The following SLC12A7 variants were observed in gnomAD, a reference collection of about 807,000 sequenced individuals.
SLC12A7 encodes K-Cl cotransporter 4.
A neutral mutation model predicts 120.6 loss-of-function variants in SLC12A7; 100 were observed. The observed-to-expected ratio is 0.83, with a 90% CI of 0.71 to 0.98. The LOEUF (loss-of-function observed/expected upper bound fraction) is 0.98, where lower values mean the gene tolerates loss of function less well. Among genes scored for constraint, SLC12A7 ranks in the 50% least tolerant of loss-of-function variants. The pLI is 0.00. For synonymous variants in SLC12A7, 760 were observed against 678.0 expected (o/e 1.12, Z -1.88); for missense variants, 1,373 against 1,548.1 (o/e 0.89, Z 1.90).
chr5:1,059,871 C>T (rs971750823), intron 21 of SLC12A7, among the ~76,000 whole-genome samples: 5 of 150,302 alleles, frequency 3.3e-5, no homozygotes, highest in African/African-American at 1.0e-4. Context: ...GTGCATGCTG[C>T]GGGGAAGGGC....
chr5:1,076,404 TCAGGTTCCAGC>T (rs111668454), intron 13 of SLC12A7, among the ~76,000 whole-genome samples, 168 bp from the exon 14 acceptor site: 22 of 47,068 alleles, frequency 4.7e-4, no homozygotes, highest in East Asian at 2.2e-3. Flanking sequence ...TCAGGCCCCC[TCAGGTTCCAGC>T]CATCCTGTGA....
At chr5:1,087,441 G>A (rs1026885314) in intron 5 of SLC12A7, among the ~76,000 whole-genome samples, 4 of 152,262 alleles carry the variant, frequency 2.6e-5, no homozygotes, top group African/African-American at 4.8e-5. Flanking sequence ...TGTGAACCAC[G>A]CACGCTATCA....
At chr5:1,113,670 G>A (rs1206880283), upstream of SLC12A7, among the ~76,000 whole-genome samples, 6 of 152,126 alleles carry the variant, frequency 3.9e-5, no homozygotes, top group African/African-American at 9.7e-5. Flanking sequence ...TGGGTTGGAA[G>A]GTAGGAAACC....
the SLC12A7 span, among the ~76,000 whole-genome samples, chr5:1,154,733 C>T: frequency 2.6e-5 from 4 of 152,188 alleles, no homozygotes; most frequent in Admixed American, 2.0e-4. Context: ...CCCCCACACA[C>T]GTGAGCTGGG....
chr5:1,074,659 C>A lies in SLC12A7; in HGVS notation c.1980G>T (p.Glu660Asp). The change falls in exon 16 of 24, where the codon GAG (glutamate) becomes GAT (aspartate). Residue 660 changes from glutamate to aspartate, a missense_variant. Coordinates refer to ENST00000264930, the MANE Select transcript of SLC12A7 (RefSeq NM_006598.3). ...ATAGGCCACGGATGCCATCGCCCCA[C>A]TCCTTCTCGGCCCTGTGGGAAAGGA... is the stretch of plus-strand genomic sequence containing the variant. ...KYIEYRGAEK[E>D]WGDGIRGLSL... 6.2e-7 allele frequency: 1 copy of A among 1,612,706 alleles called. No individual in the cohort carries two copies. The highest frequency in any genetic ancestry group is 8.5e-7 in the Non-Finnish European group (1 of 1,179,902).
intron 9 of SLC12A7, among the ~76,000 whole-genome samples, chr5:1,079,736 G>A (rs1310353289): frequency 1.3e-5 from 2 of 152,160 alleles, no homozygotes; most frequent in African/African-American, 2.4e-5. Context: ...GACGAGAACC[G>A]ACCCCGTCAC....
chr5:1,130,665 T>G, the SLC12A7 span, among the ~76,000 whole-genome samples: 2 of 137,394 alleles, frequency 1.5e-5, no homozygotes, highest in Non-Finnish European at 3.3e-5. Flanking sequence ...TCCCTGGGCC[T>G]GCAGGTGCAC....
chr5:1,108,759 G>T (rs1253937677), intron 1 of SLC12A7, among the ~76,000 whole-genome samples: 1 of 152,230 alleles, frequency 6.6e-6, no homozygotes, highest in Non-Finnish European at 1.5e-5. Context: ...GACAGGCGAG[G>T]ACGGCCCAGG....
chr5:1,083,527 C>T (rs950894374), intron 8 of SLC12A7, among the ~76,000 whole-genome samples: 16 of 152,226 alleles, frequency 1.1e-4, no homozygotes, highest in Admixed American at 2.0e-4. Context: ...CTGACCATGA[C>T]GGAGGCTGTC....
At chr5:1,089,215 G>A (rs1250016805) in intron 3 of SLC12A7, 87 bp from the exon 4 acceptor site, 1 of 1,484,660 alleles carries the variant, frequency 6.7e-7, no homozygotes, top group African/African-American at 1.4e-5. Context: ...GCCCTGGGCA[G>A]GCAAAGCGGC....
intron 1 of SLC12A7, among the ~76,000 whole-genome samples, chr5:1,094,934 G>A (rs1221325592): frequency 6.6e-6 from 1 of 150,836 alleles, no homozygotes; most frequent in African/African-American, 2.4e-5. Flanking sequence ...GGGAATTGGT[G>A]GGGAGGAGGA....
the SLC12A7 span, among the ~76,000 whole-genome samples, chr5:1,130,799 C>T: frequency 5.9e-5 from 9 of 152,194 alleles, no homozygotes; most frequent in Admixed American, 2.0e-4. Flanking sequence ...GTGGCAGAAG[C>T]GGAAAGAGGA....
chr5:1,082,860 G>C (rs552089141), intron 8 of SLC12A7, among the ~76,000 whole-genome samples: 1 of 140,036 alleles, frequency 7.1e-6, no homozygotes, highest in Non-Finnish European at 1.6e-5. Flanking sequence ...TTCCCGTCTC[G>C]GGTTCTGGAA....
At chr5:1,089,919 A>G (rs936799943) in intron 3 of SLC12A7, among the ~76,000 whole-genome samples, 18 of 152,258 alleles carry the variant, frequency 1.2e-4, no homozygotes, top group African/African-American at 4.3e-4. Flanking sequence ...CACTCCCGCC[A>G]TGAGCAGAGG....
intron 20 of SLC12A7, among the ~76,000 whole-genome samples, chr5:1,060,917 G>A (rs934634221): frequency 1.5e-5 from 2 of 135,314 alleles, no homozygotes; most frequent in African/African-American, 6.2e-5. Context: ...CTCACCCATT[G>A]CACCCACCGT....
At chr5:1,128,537 G>A in the SLC12A7 span, among the ~76,000 whole-genome samples, 6,592 of 152,268 alleles carry the variant, frequency 0.043, 452 homozygotes, top group African/African-American at 0.15. Flanking sequence ...TTCTCATAGG[G>A]AGGAAAAGTG....
chr5:1,055,818 C>T (rs2150777000), intron 22 of SLC12A7, among the ~76,000 whole-genome samples: 1 of 152,356 alleles, frequency 6.6e-6, no homozygotes, highest in Non-Finnish European at 1.5e-5. Flanking sequence ...CAGAACGGAG[C>T]AGGAAGTACA....
chr5:1,089,238 AGGGGGCAG>A, intron 3 of SLC12A7, 110 bp from the exon 4 acceptor site: 1 of 1,180,472 alleles, frequency 8.5e-7, no homozygotes, highest in Non-Finnish European at 1.2e-6. Context: ...TGGGGGCAGG[AGGGGGCAG>A]GAGTCCTTCC....
Position 1,075,494 on chromosome 5 carries a change from G to T in SLC12A7, c.1848-4C>A. On this transcript the variant is annotated splice_region_variant and splice_polypyrimidine_tract_variant and intron_variant, in intron 14 of 23. Transcript: ENST00000264930. ...CATACCCAGAAAGGACAGGGTCCTG[G>T]GGGCGGGGCAAGTGGCTCGGGGCGG... 1 of 1,608,696 alleles carries T rather than the reference G, an allele frequency of 6.2e-7. No individual in the cohort carries two copies. The highest frequency in any genetic ancestry group is 2.2e-5 in the East Asian group (1 of 44,708).
Sources: gnomAD v4.1 joint callset for allele counts (sites outside exome capture counted in the v4.1 genomes callset) on GRCh38, gnomAD v4.1.1 for gene constraint, MANE v1.5 for transcripts, NCBI Gene and HGNC (gene_info 2026-07-23, HGNC 2026-07-21) for gene names.